The following ETV6 variants were observed in gnomAD, a reference collection of about 807,000 sequenced individuals.
ETV6 encodes the protein ETS variant transcription factor 6.
ETV6 carries 16 observed loss-of-function variants against 51.1 expected under a neutral mutation model. The observed-to-expected ratio is 0.31, with a 90% CI of 0.21 to 0.48. The LOEUF is 0.48. Among genes scored for constraint, ETV6 ranks in the 20% least tolerant of loss-of-function variants. ETV6 has a pLI of 0.99. For missense variants in ETV6, 458 were observed against 594.8 expected, an observed-to-expected ratio of 0.77 and a Z score of 2.39; for synonymous variants, 240 against 224.1, an observed-to-expected ratio of 1.07 and a Z score of -0.64.
At chr12:11,771,723 C>T (rs1026299722) in intron 2 of ETV6, among the ~76,000 whole-genome samples, 2 of 152,204 alleles carry the variant, frequency 1.3e-5, no homozygotes, top group African/African-American at 2.4e-5. Flanking sequence ...TAACCAACAC[C>T]ATGTCCTATT....
chr12:11,790,818 C>A (rs562588114), intron 2 of ETV6, among the ~76,000 whole-genome samples: 1 of 151,926 alleles, frequency 6.6e-6, no homozygotes, highest in East Asian at 1.9e-4. Context: ...GCTGGGATCA[C>A]AGGCGCGCGC....
chr12:11,665,642 T>G (rs1864180260), intron 1 of ETV6, among the ~76,000 whole-genome samples: 1 of 152,244 alleles, frequency 6.6e-6, no homozygotes, highest in South Asian at 2.1e-4. Flanking sequence ...ACTTAATTGG[T>G]GCCAGGCTCT....
intron 1 of ETV6, among the ~76,000 whole-genome samples, chr12:11,740,598 T>C (rs1019269950): frequency 9.2e-5 from 14 of 152,284 alleles, no homozygotes; most frequent in African/African-American, 3.4e-4. Context: ...TTGCATTTTG[T>C]CTAAAGGAAG....
At position 11,757,830 on chromosome 12, in the gene ETV6, CT is replaced by C. The variant is rs746634030; in HGVS notation, c.163+5252del. On this transcript the variant is annotated intron_variant, in intron 2 of 7. Transcript: ENST00000396373. ...GAAGTTGTGCTGAATCCTCAGCAGACTGGCTTCTCCCTCGTAGTAGGATGAG... is the reference window on the plus strand; with the variant it reads ...GAAGTTGTGCTGAATCCTCAGCAGACGGCTTCTCCCTCGTAGTAGGATGAG... 6.6e-5 allele frequency among the ~76,000 whole-genome samples: 10 copies of C among 152,346 alleles called. No homozygotes were observed. The East Asian group carries it at 7.7e-4, about 12-fold the overall frequency.
chr12:11,819,811 TCTGA>T (rs1239196712), intron 2 of ETV6, among the ~76,000 whole-genome samples: 1 of 152,260 alleles, frequency 6.6e-6, no homozygotes, highest in Admixed American at 6.5e-5. Context: ...TGCAACAGCC[TCTGA>T]CTGGCCGCCT....
intron 1 of ETV6, among the ~76,000 whole-genome samples, chr12:11,669,094 CTTGCTTCCCCTTTCCTGGGCT>C (rs1565479699): frequency 1.3e-5 from 2 of 152,238 alleles, no homozygotes; most frequent in African/African-American, 4.8e-5. Context: ...TTTCCTTAAA[CTTGCTTCCCCTTTCCTGGGCT>C]TTGCTTCCCC....
chr12:11,827,070 T>A (rs867715594), intron 2 of ETV6, among the ~76,000 whole-genome samples: 37 of 145,166 alleles, frequency 2.5e-4, no homozygotes, highest in South Asian at 6.9e-4. Context: ...GAAGTCTGTC[T>A]CACACACACA....
At chr12:11,726,514 A>T (rs1865492185) in intron 1 of ETV6, among the ~76,000 whole-genome samples, 1 of 152,218 alleles carries the variant, frequency 6.6e-6, no homozygotes, top group Non-Finnish European at 1.5e-5. Flanking sequence ...ACCGTAGCTC[A>T]CACCTGTAAT....
intron 1 of ETV6, among the ~76,000 whole-genome samples, chr12:11,660,274 A>G (rs970674232): frequency 2.0e-5 from 3 of 152,220 alleles, no homozygotes; most frequent in Non-Finnish European, 4.4e-5. Context: ...GATCTGCACT[A>G]GGGTATACAG....
chr12:11,827,087 C>CACACAG (rs1244853708), intron 2 of ETV6, among the ~76,000 whole-genome samples: 3 of 150,414 alleles, frequency 2.0e-5, no homozygotes, highest in Non-Finnish European at 4.4e-5. Context: ...CACACACACA[C>CACACAG]ACACACACAC....
intron 1 of ETV6, among the ~76,000 whole-genome samples, chr12:11,679,401 C>T (rs868399880): frequency 2.0e-5 from 3 of 152,170 alleles, no homozygotes; most frequent in African/African-American, 4.8e-5. Flanking sequence ...TCTTAGTGCT[C>T]GATAAATGAA....
At chr12:11,699,710 C>T (rs1183862548) in intron 1 of ETV6, among the ~76,000 whole-genome samples, 3 of 152,116 alleles carry the variant, frequency 2.0e-5, no homozygotes, top group Non-Finnish European at 4.4e-5. Flanking sequence ...AAATGCTCTT[C>T]TGGGTCAGAC....
intron 1 of ETV6, among the ~76,000 whole-genome samples, chr12:11,712,286 A>G (rs1265561216): frequency 6.6e-6 from 1 of 152,214 alleles, no homozygotes; most frequent in Non-Finnish European, 1.5e-5. Context: ...TGCAATTACA[A>G]ACATTTCATG....
At chr12:11,778,177 G>A (rs1320474938) in intron 2 of ETV6, among the ~76,000 whole-genome samples, 3 of 152,200 alleles carry the variant, frequency 2.0e-5, no homozygotes, top group Non-Finnish European at 2.9e-5. Context: ...GGGGAATCAC[G>A]ATGCTTATCT....
At chr12:11,769,573 T>C (rs1482515676) in intron 2 of ETV6, among the ~76,000 whole-genome samples, 1 of 152,224 alleles carries the variant, frequency 6.6e-6, no homozygotes, top group Admixed American at 6.5e-5. Flanking sequence ...ATGGTGTCAT[T>C]TTTCCTGCAG....
chr12:11,653,961 C>T (rs1471797945), intron 1 of ETV6, among the ~76,000 whole-genome samples: 19 of 151,846 alleles, frequency 1.3e-4, no homozygotes, highest in African/African-American at 3.4e-4. Flanking sequence ...TACAGGTGCC[C>T]GCCACCATGC....
At chr12:11,818,640 C>A (rs754665577) in intron 2 of ETV6, among the ~76,000 whole-genome samples, 3 of 151,976 alleles carry the variant, frequency 2.0e-5, no homozygotes, top group African/African-American at 7.3e-5. Flanking sequence ...ATACCAGTTA[C>A]GATATGGGGC....
chr12:11,710,783 C>G (rs1213282773), intron 1 of ETV6, among the ~76,000 whole-genome samples: 2 of 152,182 alleles, frequency 1.3e-5, no homozygotes, highest in South Asian at 2.1e-4. Context: ...TTGACAGAAG[C>G]CTTCTGGTGG....
chr12:11,860,336 T>C (rs1204354507), intron 4 of ETV6, among the ~76,000 whole-genome samples: 1 of 152,128 alleles, frequency 6.6e-6, no homozygotes, highest in Non-Finnish European at 1.5e-5. Context: ...ACGGAATACA[T>C]GACAGAGCCA....
Sources: allele counts gnomAD v4.1 joint callset (sites outside exome capture counted in the v4.1 genomes callset), GRCh38; gene constraint gnomAD v4.1.1; transcripts MANE v1.5; gene names NCBI Gene and HGNC (gene_info 2026-07-23, HGNC 2026-07-21).